The following TAFA2 variants were observed in gnomAD, a reference collection of about 807,000 sequenced individuals.
The protein encoded by TAFA2 is chemokine-like protein TAFA-2.
In TAFA2, 7 loss-of-function variants were observed where a neutral mutation model predicts 18.8. The ratio of observed to expected loss-of-function variants is 0.37; its 90% CI spans 0.21 to 0.70. The LOEUF is 0.70. TAFA2 is among the 30% of genes least tolerant of loss of function. The pLI, the probability that TAFA2 is intolerant of heterozygous loss-of-function variation, is 0.53. For synonymous variants in TAFA2, 60 were observed against 54.2 expected, an observed-to-expected ratio of 1.11 and a Z score of -0.47; for missense variants, 122 against 158.1, an observed-to-expected ratio of 0.77 and a Z score of 1.23.
chr12:62,159,167 AC>A (rs2062390486), intron 1 of TAFA2, among the ~76,000 whole-genome samples: 1 of 152,326 alleles, frequency 6.6e-6, no homozygotes. Flanking sequence ...GCTAAAAGAC[AC>A]GTTTTTAAGG....
intron 1 of TAFA2, among the ~76,000 whole-genome samples, chr12:62,225,114 A>G (rs1387510268): frequency 6.6e-6 from 1 of 152,086 alleles, no homozygotes; most frequent in Non-Finnish European, 1.5e-5. Flanking sequence ...TTAAAAAAAA[A>G]AGTTGGTGGG....
intron 2 of TAFA2, chr12:61,775,934 C>A: frequency 4.7e-6 from 1 of 211,852 alleles, no homozygotes; most frequent in Non-Finnish European, 9.9e-6. Context: ...CGACAAACAC[C>A]AATGGAAAGA....
At chr12:62,147,684 C>T (rs1299937767) in intron 1 of TAFA2, among the ~76,000 whole-genome samples, 11 of 139,942 alleles carry the variant, frequency 7.9e-5, no homozygotes, top group African/African-American at 2.1e-4. Context: ...GAGCCAAGAT[C>T]CCGCCACTGC....
intron 4 of TAFA2, among the ~76,000 whole-genome samples, chr12:61,737,985 T>G (rs556274588): frequency 1.4e-4 from 22 of 152,178 alleles, no homozygotes; most frequent in Admixed American, 7.2e-4. Context: ...ACTTACATAT[T>G]GTAACATATT....
At chr12:62,099,625 T>C (rs1869101623) in intron 1 of TAFA2, among the ~76,000 whole-genome samples, 1 of 152,166 alleles carries the variant, frequency 6.6e-6, no homozygotes, top group African/African-American at 2.4e-5. Context: ...TAAAATCTCA[T>C]TGAGAATGGA....
intron 2 of TAFA2, among the ~76,000 whole-genome samples, chr12:61,835,653 C>A (rs543612962): frequency 1.3e-5 from 2 of 151,986 alleles, no homozygotes; most frequent in Middle Eastern, 3.4e-3. Context: ...CTTCAATGAA[C>A]AATCATATTG....
intron 1 of TAFA2, among the ~76,000 whole-genome samples, chr12:62,076,775 A>T (rs528117802): frequency 6.6e-6 from 1 of 152,154 alleles, no homozygotes; most frequent in East Asian, 1.9e-4. Context: ...GAAGAAAGAT[A>T]TAATTGATTT....
upstream of TAFA2, among the ~76,000 whole-genome samples, chr12:62,194,973 G>A (rs1338116491): frequency 6.6e-6 from 1 of 152,160 alleles, no homozygotes; most frequent in African/African-American, 2.4e-5. Context: ...AAAGTGTACT[G>A]ATGATCTGAG....
rs373143483 is a variant in TAFA2 at position 61,717,083 on chromosome 12, C to G, written c.385-6666G>C. 3.3e-5 allele frequency among the ~76,000 whole-genome samples: 5 copies of G among 152,188 alleles called. No individual in the cohort carries two copies. In the East Asian group the frequency reaches 9.6e-4, roughly 29 times the overall value. On this transcript the variant is annotated intron_variant, in intron 4 of 4. Transcript: ENST00000416284. Reference sequence around the variant, plus strand: ...TTTTTTAATGTAGCTCTTACACATACATGAAATAAGCTCTTGCTTCACTTT... The same window carrying G: ...TTTTTTAATGTAGCTCTTACACATAGATGAAATAAGCTCTTGCTTCACTTT...
At chr12:61,879,910 C>A in intron 1 of TAFA2, 1 of 911,534 alleles carries the variant, frequency 1.1e-6, no homozygotes, top group Non-Finnish European at 1.8e-6. Context: ...TTGTCCTCAT[C>A]GAGAAGGATG....
chr12:61,858,776 G>GT (rs1223506423), intron 2 of TAFA2, among the ~76,000 whole-genome samples: 1 of 151,932 alleles, frequency 6.6e-6, no homozygotes, highest in African/African-American at 2.4e-5. Flanking sequence ...GAGGAATTTT[G>GT]TAAGTGTGAA....
chr12:61,859,833 G>T (rs1874055665), intron 2 of TAFA2, among the ~76,000 whole-genome samples: 1 of 152,180 alleles, frequency 6.6e-6, no homozygotes, highest in African/African-American at 2.4e-5. Context: ...ACTCTGAGGG[G>T]CTGACGACAT....
chr12:62,010,453 C>T (rs1269260650), intron 1 of TAFA2, among the ~76,000 whole-genome samples: 1 of 152,162 alleles, frequency 6.6e-6, no homozygotes, highest in African/African-American at 2.4e-5. Context: ...CTCGCTCACT[C>T]AATGCTCAGT....
intron 1 of TAFA2, among the ~76,000 whole-genome samples, chr12:61,910,099 T>TG (rs1876540274): frequency 4.7e-4 from 40 of 85,502 alleles, no homozygotes; most frequent in African/African-American, 2.6e-3. Flanking sequence ...TGTGTGTGTG[T>TG]TTGTGTGTGT....
chr12:61,733,420 T>A (rs1297600150), intron 4 of TAFA2, among the ~76,000 whole-genome samples: 1 of 152,094 alleles, frequency 6.6e-6, no homozygotes, highest in Non-Finnish European at 1.5e-5. Context: ...AACGTTTAAG[T>A]CTTTAATCCA....
At chr12:61,953,626 G>A (rs146366164) in intron 1 of TAFA2, among the ~76,000 whole-genome samples, 7 of 152,156 alleles carry the variant, frequency 4.6e-5, no homozygotes, top group African/African-American at 7.2e-5. Flanking sequence ...CAGTGGCCTC[G>A]GTAAAGAAGA....
At chr12:61,734,353 G>T (rs1868268552) in intron 4 of TAFA2, among the ~76,000 whole-genome samples, 1 of 138,468 alleles carries the variant, frequency 7.2e-6, no homozygotes, top group Non-Finnish European at 1.5e-5. Flanking sequence ...ATCACACTCT[G>T]GGGACGGTTG....
At chr12:62,221,250 G>GAAGC in intron 1 of TAFA2, among the ~76,000 whole-genome samples, 1 of 150,222 alleles carries the variant, frequency 6.7e-6, no homozygotes, top group African/African-American at 2.5e-5. Context: ...AGGAAGGAAG[G>GAAGC]AAGGAAGGAA....
intron 2 of TAFA2, among the ~76,000 whole-genome samples, chr12:61,842,777 T>G (rs947344592): frequency 4.6e-5 from 7 of 152,100 alleles, no homozygotes; most frequent in Non-Finnish European, 1.0e-4. Context: ...CAAGAGCTAT[T>G]TAACATTGAA....
Sources: gnomAD v4.1 joint callset for allele counts (sites outside exome capture counted in the v4.1 genomes callset) on GRCh38, gnomAD v4.1.1 for gene constraint, MANE v1.5 for transcripts, NCBI Gene and HGNC (gene_info 2026-07-23, HGNC 2026-07-21) for gene names.